GK5: variants seen among roughly 807,000 people sequenced by gnomAD.
GK5 encodes the protein glycerol kinase 5.
GK5 carries 39 observed loss-of-function variants against 77.3 expected under a neutral mutation model. That is an observed-to-expected ratio of 0.50 (90% CI 0.39 to 0.66). GK5 has a LOEUF of 0.66. Among genes scored for constraint, GK5 ranks in the 30% least tolerant of loss-of-function variants. The probability of loss-of-function intolerance (pLI) is 0.00; values close to 1 mark genes in which losing one functional copy is unlikely to be tolerated. For synonymous variants in GK5, 211 were observed against 208.0 expected (o/e 1.01, Z -0.13); for missense variants, 487 against 633.8 (o/e 0.77, Z 2.49).
intron 12 of GK5, chr3:142,173,171 A>C (rs1175642747): frequency 2.3e-6 from 1 of 441,014 alleles, no homozygotes; most frequent in Non-Finnish European, 4.5e-6. Context: ...ACTGCACTCC[A>C]GCCTAGGTGA....
chr3:142,174,754 G>A (rs1577109130), intron 12 of GK5, among the ~76,000 whole-genome samples: 3 of 152,196 alleles, frequency 2.0e-5, no homozygotes, highest in Admixed American at 2.0e-4. Flanking sequence ...ACTGCAGAGG[G>A]TGAGTACAGC....
At chr3:142,195,493 A>C (rs2063921154) in intron 5 of GK5, among the ~76,000 whole-genome samples, 1 of 151,946 alleles carries the variant, frequency 6.6e-6, no homozygotes, top group Admixed American at 6.6e-5. Context: ...ACAGGTGTGT[A>C]CTACTATACC....
chr3:142,182,821 A>C, intron 10 of GK5, 102 bp downstream of exon 10: 2 of 731,682 alleles, frequency 2.7e-6, no homozygotes, highest in Non-Finnish European at 4.5e-6. Flanking sequence ...AAAATATGTT[A>C]GAGAATATCA....
chr3:142,174,981 T>C (rs2063588696), intron 12 of GK5, among the ~76,000 whole-genome samples: 1 of 152,160 alleles, frequency 6.6e-6, no homozygotes, highest in African/African-American at 2.4e-5. Context: ...GCAGAAGCTA[T>C]GGAGGAAGAA....
At position 142,163,993 on chromosome 3, in the gene GK5, T is replaced by C. The variant is rs1235248939; in HGVS notation, c.*1629A>G. The C allele has an allele frequency of 6.6e-6, 1 of 152,108 alleles. No individual in the cohort carries two copies. Among genetic ancestry groups the C allele is most frequent in the Middle Eastern group, 3.2e-3 (1 of 316 alleles). 9.4% of individuals were successfully genotyped at this position (152,108 alleles called of 1,614,324 possible). ...AGGGGAAAGAATGAAAAGAATAAGA[T>C]TTATCTACATAATGAAGTTTGACTT... On this transcript the variant is annotated 3_prime_UTR_variant, in exon 16 of 16. Transcript: ENST00000392993.
chr3:142,205,333 G>A (rs568645322), intron 3 of GK5, among the ~76,000 whole-genome samples: 73 of 152,078 alleles, frequency 4.8e-4, no homozygotes, highest in Non-Finnish European at 9.9e-4. Flanking sequence ...TTTTTCCTTT[G>A]CGGCTCCCGC....
chr3:142,173,202 A>G (rs76338597), intron 12 of GK5: 3 of 391,832 alleles, frequency 7.7e-6, no homozygotes, highest in Non-Finnish European at 1.0e-5. Flanking sequence ...CAGGGTCTAA[A>G]AAAAAAAAAA....
intron 5 of GK5, among the ~76,000 whole-genome samples, chr3:142,192,754 A>G (rs1015662032): frequency 4.8e-5 from 7 of 144,756 alleles, no homozygotes; most frequent in Admixed American, 3.5e-4. Context: ...ACAGAGTGAG[A>G]CTCTGTCTCA....
intron 3 of GK5, 148 bp downstream of exon 3, chr3:142,213,378 A>G: frequency 1.7e-6 from 1 of 602,712 alleles, no homozygotes. Flanking sequence ...TGAGCATACA[A>G]GCCAGAAAGC....
intron 13 of GK5, 48 bp downstream of exon 13, chr3:142,172,305 A>C (rs775919940): frequency 7.3e-6 from 6 of 826,196 alleles, no homozygotes; most frequent in Non-Finnish European, 1.2e-5. Context: ...AATGAAAGAC[A>C]TGGCAATATT....
intron 4 of GK5, among the ~76,000 whole-genome samples, chr3:142,203,153 A>G (rs1380692018): frequency 1.3e-5 from 2 of 152,192 alleles, no homozygotes; most frequent in African/African-American, 4.8e-5. Context: ...TTGAGGGTTC[A>G]TGACATTTCC....
In GK5 at chr3:142,184,912, T is replaced by C. The variant is rs2063747855; in HGVS notation, c.816+1017A>G. The C allele has an allele frequency of 5.1e-6, 5 of 985,338 alleles. No individual in the cohort carries two copies. In the African/African-American group the frequency reaches 8.7e-5, roughly 17 times the overall value. The allele number at this position is 985,338 out of a possible 1,614,324, so 61.0% of individuals were successfully genotyped here. A position where few individuals can be genotyped will look rare whatever the true frequency, so the allele number is the denominator to read the frequency against. On this transcript the variant is annotated intron_variant, in intron 9 of 15. Coordinates refer to ENST00000392993, the MANE Select transcript of GK5 (RefSeq NM_001039547.3). ...CACTAATTGGTAACTCTTCCAGCCA[T>C]ACCTTAATCTAACCCTGCACCTATG... is the stretch of plus-strand genomic sequence containing the variant.
At chr3:142,203,301 T>C (rs1209071870) in intron 4 of GK5, among the ~76,000 whole-genome samples, 1 of 152,176 alleles carries the variant, frequency 6.6e-6, no homozygotes, top group African/African-American at 2.4e-5. Context: ...ATGGCAAAAT[T>C]GTTTCACTCA....
chr3:142,166,628 G>T (rs1183311032), intron 15 of GK5, among the ~76,000 whole-genome samples: 1 of 150,894 alleles, frequency 6.6e-6, no homozygotes, highest in African/African-American at 2.5e-5. Flanking sequence ...CCACCTCCCG[G>T]GTTCAAGCAA....
chr3:142,195,000 C>T (rs186457425), intron 5 of GK5, among the ~76,000 whole-genome samples: 10 of 151,744 alleles, frequency 6.6e-5, no homozygotes, highest in African/African-American at 2.2e-4. Context: ...AGTATGGTGT[C>T]GGCTGTGGGT....
At chr3:142,214,746 G>A (rs573808564) in intron 2 of GK5, among the ~76,000 whole-genome samples, 1 of 152,238 alleles carries the variant, frequency 6.6e-6, no homozygotes, top group African/African-American at 2.4e-5. Context: ...TTTTCACTAA[G>A]ACAAGAGCAA....
Position 142,182,946 on chromosome 3 carries a change from T to C in GK5, c.920A>G (p.Asn307Ser). Residue 307 changes from asparagine to serine, a missense_variant, in exon 10 of 16, where the codon AAT (asparagine) becomes AGT (serine). Physicochemically the swap from Asn to Ser is conservative, Grantham distance 46. Around this residue, in one of 4 missense-constraint regions of GK5, gnomAD observed 323 missense variants for 437.4 expected, o/e 0.74. Transcript: ENST00000392993. The part of the protein sequence containing the change: ...TGTFLDINTG[N>S]SLQQTTGGFY... Reference sequence around the variant, plus strand: ...ACCTCCAGTAGTCTGTTGAAGGCTATTTCCAGTGTTAATATCCAAAAATGT... The same window carrying C: ...ACCTCCAGTAGTCTGTTGAAGGCTACTTCCAGTGTTAATATCCAAAAATGT... The C allele has an allele frequency of 1.2e-6, 2 of 1,611,386 alleles. No homozygotes were observed. Among genetic ancestry groups the C allele is most frequent in the Non-Finnish European group, 1.7e-6 (2 of 1,177,532 alleles).
chr3:142,212,018 T>C lies in GK5; in HGVS notation c.317+1508A>G, dbSNP rs2064194537. On this transcript the variant is annotated intron_variant, in intron 3 of 15. Transcript: ENST00000392993. ...AGCCCAAACATCAAGGCCAGCAGTA[T>C]TGGTAAATTCAAATTTCTTCTTCCT... Among the ~76,000 whole-genome samples, 8 of 152,334 alleles carry C rather than the reference T, an allele frequency of 5.3e-5. No individual in the cohort carries two copies. In the South Asian group the frequency reaches 1.5e-3, roughly 28 times the overall value.
intron 6 of GK5, among the ~76,000 whole-genome samples, chr3:142,187,135 T>C (rs992039358): frequency 6.6e-6 from 1 of 152,174 alleles, no homozygotes; most frequent in Non-Finnish European, 1.5e-5. Flanking sequence ...TGAACTTGTC[T>C]TATCATTCTT....
Sources: allele counts gnomAD v4.1 joint callset (sites outside exome capture counted in the v4.1 genomes callset), GRCh38; gene constraint gnomAD v4.1.1; regional missense constraint gnomAD v4.1.1; transcripts MANE v1.5; gene names NCBI Gene and HGNC (gene_info 2026-07-23, HGNC 2026-07-21).